The following NSD1 variants were observed in gnomAD, a reference collection of about 807,000 sequenced individuals.
The protein encoded by NSD1 is nuclear receptor binding SET domain protein 1.
Under a neutral mutation model 242.7 loss-of-function variants are expected in NSD1, and 26 were observed. That is an observed-to-expected ratio of 0.11 (90% CI 0.08 to 0.15). The LOEUF (loss-of-function observed/expected upper bound fraction) is 0.15, where lower values mean the gene tolerates loss of function less well. Ranked by LOEUF, NSD1 falls within the 10% of genes least tolerant of loss-of-function variation. NSD1 has a pLI of 1.00. For missense variants in NSD1, 2,495 were observed against 3,272.8 expected, an observed-to-expected ratio of 0.76 and a Z score of 5.80; for synonymous variants, 1,106 against 1,178.1, an observed-to-expected ratio of 0.94 and a Z score of 1.25.
At chr5:177,247,014 A>G (rs565368423) in intron 10 of NSD1, among the ~76,000 whole-genome samples, 1 of 152,234 alleles carries the variant, frequency 6.6e-6, no homozygotes, top group South Asian at 2.1e-4. Flanking sequence ...AGATCATCAC[A>G]TCCTATGCTG....
Position 177,238,232 on chromosome 5 carries a change from C to A in NSD1, c.3922-5C>A. The stretch of plus-strand genomic sequence containing the variant: ...GTGGACTCTATTTTTATTTTTTGTT[C>A]TTAGGTAAGTTCCCGCTGTGAAGAG... On this transcript the variant is annotated splice_region_variant and splice_polypyrimidine_tract_variant and intron_variant, in intron 6 of 22. Coordinates refer to ENST00000439151, the MANE Select transcript of NSD1 (RefSeq NM_022455.5). The surrounding 1 kb of genome is among the most constrained non-coding windows in gnomAD (Gnocchi z 4.6). 1 of 1,613,734 alleles carries A rather than the reference C, an allele frequency of 6.2e-7. No homozygotes were observed. Among genetic ancestry groups the A allele is most frequent in the South Asian group, 1.1e-5 (1 of 91,054 alleles).
At chr5:177,185,751 AT>A (rs1761073642) in intron 2 of NSD1, among the ~76,000 whole-genome samples, 1 of 103,584 alleles carries the variant, frequency 9.7e-6, no homozygotes, top group African/African-American at 4.0e-5. Context: ...TATATTATAT[AT>A]AATATATTTT....
chr5:177,238,223 T>C lies in NSD1; in HGVS notation c.3922-14T>C, dbSNP rs1339850518. The C allele has an allele frequency of 6.2e-7, 1 of 1,614,110 alleles. No individual in the cohort carries two copies. The highest frequency in any genetic ancestry group is 8.5e-7 in the Non-Finnish European group (1 of 1,179,970). ...TTTTGGCCTGTGGACTCTATTTTTA[T>C]TTTTTGTTCTTAGGTAAGTTCCCGC... On this transcript the variant is annotated splice_polypyrimidine_tract_variant and intron_variant, in intron 6 of 22. Coordinates refer to ENST00000439151, the MANE Select transcript of NSD1 (RefSeq NM_022455.5). This position sits in a 1 kb window ranked among gnomAD's most constrained non-coding sequence, Gnocchi z 4.6.
Position 177,273,716 on chromosome 5 carries a change from A to G in NSD1, c.5554A>G (p.Lys1852Glu), listed in dbSNP as rs1758127189. 1 of 1,613,808 alleles carries G rather than the reference A, an allele frequency of 6.2e-7. No homozygotes were observed. The highest frequency in any genetic ancestry group is 2.2e-5 in the East Asian group (1 of 44,884). Residue 1852 changes from lysine to glutamate, a missense_variant, in exon 17 of 23, where the codon AAA (lysine) becomes GAA (glutamate). Lys to Glu is a moderately conservative substitution (Grantham distance 56, BLOSUM62 1). Around this residue, in one of 19 missense-constraint regions of NSD1, gnomAD observed 114 missense variants for 247.4 expected, o/e 0.46. Transcript: ENST00000439151. ...AAGGTTTGAGGAATTAAAGGCCCAAAAAGAGCTAAGACAGCTGCAGGAAGA... is the reference window on the plus strand; with the variant it reads ...AAGGTTTGAGGAATTAAAGGCCCAAGAAGAGCTAAGACAGCTGCAGGAAGA... ...AARFEELKAQ[K>E]ELRQLQEDRK...
At chr5:177,233,703 G>C (rs762310624) in intron 5 of NSD1, among the ~76,000 whole-genome samples, 1 of 152,026 alleles carries the variant, frequency 6.6e-6, no homozygotes, top group Non-Finnish European at 1.5e-5. Flanking sequence ...TTTCTGATTG[G>C]TTTCACAAAC....
At chr5:177,233,980 G>A (rs1458273077) in intron 5 of NSD1, among the ~76,000 whole-genome samples, 1 of 152,148 alleles carries the variant, frequency 6.6e-6, no homozygotes, top group Non-Finnish European at 1.5e-5. Context: ...AGGAGTGAAG[G>A]ATGCCATATA....
At chr5:177,221,489 C>G (rs1164826432) in intron 5 of NSD1, among the ~76,000 whole-genome samples, 2 of 151,402 alleles carry the variant, frequency 1.3e-5, no homozygotes, top group Admixed American at 6.6e-5. Flanking sequence ...AATTTTTTTT[C>G]AAGGCGGAGT....
At chr5:177,233,349 G>A (rs550788408) in intron 5 of NSD1, among the ~76,000 whole-genome samples, 5 of 151,878 alleles carry the variant, frequency 3.3e-5, no homozygotes, top group African/African-American at 4.8e-5. Flanking sequence ...GATTACAGGC[G>A]TGAGCTGCTG....
intron 14 of NSD1, among the ~76,000 whole-genome samples, chr5:177,264,567 T>C (rs1274486612): frequency 1.3e-5 from 2 of 152,218 alleles, no homozygotes; most frequent in Non-Finnish European, 2.9e-5. Context: ...AATGTAATCT[T>C]ACTCTGAATC....
intron 2 of NSD1, among the ~76,000 whole-genome samples, chr5:177,147,131 C>T (rs1406779919): frequency 1.3e-5 from 2 of 152,052 alleles, no homozygotes; most frequent in Admixed American, 6.6e-5. Flanking sequence ...TATGTGACAG[C>T]GTCTTGCTCT....
At chr5:177,172,906 G>C (rs892737183) in intron 2 of NSD1, among the ~76,000 whole-genome samples, 13 of 145,906 alleles carry the variant, frequency 8.9e-5, no homozygotes, top group Non-Finnish European at 1.5e-5. Flanking sequence ...AGGCTGTAGT[G>C]AGCTGAGATC....
At chr5:177,280,211 T>A (rs968128360) in intron 17 of NSD1, among the ~76,000 whole-genome samples, 2 of 151,546 alleles carry the variant, frequency 1.3e-5, no homozygotes, top group African/African-American at 4.9e-5. Context: ...TCTCCTGACC[T>A]CGTAATCCAC....
chr5:177,166,313 T>C (rs1017986758), intron 2 of NSD1, among the ~76,000 whole-genome samples: 4 of 151,964 alleles, frequency 2.6e-5, no homozygotes, highest in East Asian at 1.9e-4. Context: ...TTTGGGAGGC[T>C]GAGGTGGGCG....
At position 177,294,789 on chromosome 5, in the gene NSD1, A is replaced by G. The variant is rs202220730; in HGVS notation, c.7421A>G (p.Gln2474Arg). The change falls in exon 23 of 23, where the codon CAG becomes CGG. Residue 2474 changes from glutamine (Q) to arginine (R), a missense_variant. By Grantham distance (43) the Gln-to-Arg change is conservative. This residue lies in a region of NSD1 where 475 missense variants were observed against 563.7 expected (regional missense o/e 0.84). Transcript: ENST00000439151. ...AAGGAGCGGGCAGCTTCACCTCATCAGGTCACACCACAGGCTGATGAGAAG... is the reference window on the plus strand; with the variant it reads ...AAGGAGCGGGCAGCTTCACCTCATCGGGTCACACCACAGGCTGATGAGAAG... ...RQKERAASPH[Q>R]VTPQADEKMP... is the part of the protein sequence containing the mutation. 18 of 1,613,382 alleles carry G rather than the reference A, an allele frequency of 1.1e-5. No individual in the cohort carries two copies. The highest frequency in any genetic ancestry group is 1.5e-5 in the Non-Finnish European group (18 of 1,180,044).
intron 2 of NSD1, among the ~76,000 whole-genome samples, chr5:177,189,185 G>A (rs1289718927): frequency 6.6e-6 from 1 of 152,146 alleles, no homozygotes; most frequent in African/African-American, 2.4e-5. Context: ...CATTTTGATG[G>A]TGTATTATAG....
At position 177,297,966 on chromosome 5, in the gene NSD1, A is replaced by G. The variant is rs562972913; in HGVS notation, c.*2507A>G. The G allele has an allele frequency of 5.1e-5, 12 of 233,054 alleles. No homozygotes were observed. The South Asian group carries it at 2.0e-3, about 39-fold the overall frequency. 14.4% of individuals were successfully genotyped at this position (233,054 alleles called of 1,614,324 possible). A position where few individuals can be genotyped will look rare whatever the true frequency, so the allele number is the denominator to read the frequency against. On this transcript the variant is annotated 3_prime_UTR_variant, in exon 23 of 23. Coordinates refer to ENST00000439151, the MANE Select transcript of NSD1 (RefSeq NM_022455.5). ...TGGATGGACATCTGGGCTTCCTTCA[A>G]GGGCCATTGAATGGGAACTAGAAAA...
At chr5:177,162,587 G>A (rs1209912771) in intron 2 of NSD1, among the ~76,000 whole-genome samples, 1 of 152,122 alleles carries the variant, frequency 6.6e-6, no homozygotes, top group Non-Finnish European at 1.5e-5. Context: ...TCGCCCTATT[G>A]GCTAGGCTGG....
intron 2 of NSD1, among the ~76,000 whole-genome samples, chr5:177,181,429 T>TG (rs1760670312): frequency 7.1e-6 from 1 of 141,008 alleles, no homozygotes; most frequent in African/African-American, 2.7e-5. Context: ...TTTTTTTGGT[T>TG]TTTTTTTTTT....
chr5:177,266,045 C>T lies in NSD1; in HGVS notation c.5147-1517C>T, dbSNP rs1757417082. ...TATATCGAAGCCATAAACGTTCTCCCACCAGTGGATCTTGTAGTCTTTGTA... is the reference window on the plus strand; with the variant it reads ...TATATCGAAGCCATAAACGTTCTCCTACCAGTGGATCTTGTAGTCTTTGTA... On this transcript the variant is annotated intron_variant, in intron 14 of 22. Transcript: ENST00000439151. 3 of 1,072,422 alleles carry T rather than the reference C, an allele frequency of 2.8e-6. No homozygotes were observed. The East Asian group carries it at 7.1e-5, about 25-fold the overall frequency. 66.4% of individuals were successfully genotyped at this position (1,072,422 alleles called of 1,614,324 possible).
Sources: allele counts gnomAD v4.1 joint callset (sites outside exome capture counted in the v4.1 genomes callset), GRCh38; gene constraint gnomAD v4.1.1; regional missense constraint gnomAD v4.1.1; non-coding constraint Gnocchi (gnomAD v3.1); transcripts MANE v1.5; gene names NCBI Gene and HGNC (gene_info 2026-07-23, HGNC 2026-07-21).